Variants in PPFIA2 observed in about 807,000 individuals in gnomAD.
The protein encoded by PPFIA2 is PPFI scaffold protein A2.
PPFIA2 carries 46 observed loss-of-function variants against 175.5 expected under a neutral mutation model. That is an observed-to-expected ratio of 0.26 (90% CI 0.21 to 0.34). The LOEUF is 0.34. Ranked by LOEUF, PPFIA2 falls within the 10% of genes least tolerant of loss-of-function variation. PPFIA2 has a pLI of 1.00. For missense variants in PPFIA2, 1,179 were observed against 1,506.1 expected, an observed-to-expected ratio of 0.78 and a Z score of 3.60; for synonymous variants, 568 against 511.4, an observed-to-expected ratio of 1.11 and a Z score of -1.49.
At chr12:81,290,778 A>G (rs763771228) in intron 24 of PPFIA2, among the ~76,000 whole-genome samples, 1 of 151,880 alleles carries the variant, frequency 6.6e-6, no homozygotes, top group East Asian at 1.9e-4. Context: ...AGTATTAAGA[A>G]TATGCATTCC....
At chr12:81,418,739 G>A (rs913417716) in intron 7 of PPFIA2, among the ~76,000 whole-genome samples, 4 of 152,004 alleles carry the variant, frequency 2.6e-5, no homozygotes, top group Middle Eastern at 6.8e-3. Flanking sequence ...TACAGTTAAA[G>A]TCAGAACTAT....
Position 81,281,298 on chromosome 12 carries a change from T to C in PPFIA2, c.3171A>G (p.Lys1057=). 1 of 1,608,214 alleles carries C rather than the reference T, an allele frequency of 6.2e-7. No homozygotes were observed. The highest frequency in any genetic ancestry group is 8.5e-7 in the Non-Finnish European group (1 of 1,176,408). The change falls in exon 27 of 33, where the codon AAA becomes AAG. Residue 1057 remains lysine (K), a synonymous_variant. Transcript: ENST00000549396. Reference sequence around the variant, plus strand: ...CCATTTTTAAATGGACACGGAGATCTTTTTTTGTTAGGTGATCTAACATTC... The same window carrying C: ...CCATTTTTAAATGGACACGGAGATCCTTTTTTGTTAGGTGATCTAACATTC... ...DARMLDHLTK[K]DLRVHLKMVD... is the part of the protein sequence containing the mutation.
At chr12:81,311,960 A>G (rs2051018801) in intron 22 of PPFIA2, 1 of 576,822 alleles carries the variant, frequency 1.7e-6, no homozygotes, top group African/African-American at 1.9e-5. Flanking sequence ...AAAAGCTTAC[A>G]TAATTAATTA....
chr12:81,268,092 GA>G lies in PPFIA2; in HGVS notation c.3311-6del. 1.3e-6 allele frequency: 2 copies of G among 1,563,272 alleles called. No homozygotes were observed. Among genetic ancestry groups the G allele is most frequent in the Admixed American group, 1.8e-5 (1 of 54,598 alleles). Reference sequence around the variant, plus strand: ...CATTGCTCCACACCAACACGTCTAGGAAAAGAGATGCATCATTTTAGGATGC... The same window carrying G: ...CATTGCTCCACACCAACACGTCTAGGAAAGAGATGCATCATTTTAGGATGC... On this transcript the variant is annotated splice_polypyrimidine_tract_variant and splice_region_variant and intron_variant, in intron 28 of 32. Transcript: ENST00000549396.
At chr12:81,416,146 T>C (rs1192245802) in intron 7 of PPFIA2, among the ~76,000 whole-genome samples, 2 of 151,564 alleles carry the variant, frequency 1.3e-5, no homozygotes, top group Non-Finnish European at 3.0e-5. Flanking sequence ...TATGGAAGAA[T>C]AGTAAGAAAA....
intron 4 of PPFIA2, among the ~76,000 whole-genome samples, chr12:81,670,414 CTCTT>C (rs1723434173): frequency 6.6e-6 from 1 of 151,928 alleles, no homozygotes; most frequent in Admixed American, 6.6e-5. Context: ...GCCTCAGTCC[CTCTT>C]TATTTCATCA....
At chr12:81,490,237 C>G (rs181037023) in intron 4 of PPFIA2, among the ~76,000 whole-genome samples, 1 of 151,954 alleles carries the variant, frequency 6.6e-6, no homozygotes, top group African/African-American at 2.4e-5. Flanking sequence ...ATTCTGAATT[C>G]GTTTTTTAAT....
At chr12:81,484,137 T>A (rs2058560612) in intron 4 of PPFIA2, among the ~76,000 whole-genome samples, 1 of 151,970 alleles carries the variant, frequency 6.6e-6, no homozygotes, top group Non-Finnish European at 1.5e-5. Flanking sequence ...ACTTTCAGAG[T>A]TTCATTTTTC....
At chr12:81,602,023 CTA>C (rs1327413833) in intron 4 of PPFIA2, among the ~76,000 whole-genome samples, 1 of 151,620 alleles carries the variant, frequency 6.6e-6, no homozygotes, top group Non-Finnish European at 1.5e-5. Context: ...CTATATTGTA[CTA>C]TCTTTCTATA....
chr12:81,758,857 TC>T (rs1391956624), intron 1 of PPFIA2, among the ~76,000 whole-genome samples: 1 of 151,412 alleles, frequency 6.6e-6, no homozygotes, highest in Non-Finnish European at 1.5e-5. Flanking sequence ...GCGGCGCCGC[TC>T]CCCCTCCGCG....
At chr12:81,471,961 T>C (rs1249423197) in intron 4 of PPFIA2, among the ~76,000 whole-genome samples, 1 of 152,210 alleles carries the variant, frequency 6.6e-6, no homozygotes, top group Non-Finnish European at 1.5e-5. Flanking sequence ...CACAAAATTG[T>C]ATACATTAAT....
At position 81,384,103 on chromosome 12, in the gene PPFIA2, C is replaced by T. The variant is rs760985857; in HGVS notation, c.904G>A (p.Glu302Lys). Reference sequence around the variant, plus strand: ...TTTCTTGCTGTCTCTGCTTCCTGTTCCACCTCTCCCACTCGGGAAGAAAGG... The same window carrying T: ...TTTCTTGCTGTCTCTGCTTCCTGTTTCACCTCTCCCACTCGGGAAGAAAGG... ...AALSSRVGEV[E>K]QEAETARKDL... The change falls in exon 9 of 33, where the codon GAA (glutamate) becomes AAA (lysine). Residue 302 changes from glutamate (E) to lysine (K), a missense_variant. Around this residue, in one of 10 missense-constraint regions of PPFIA2, gnomAD observed 226 missense variants for 216.6 expected, o/e 1.04. Coordinates refer to ENST00000549396, the MANE Select transcript of PPFIA2 (RefSeq NM_003625.5). 8.1e-6 allele frequency: 13 copies of T among 1,613,192 alleles called. No individual in the cohort carries two copies. In the Admixed American group the frequency reaches 1.5e-4, roughly 19 times the overall value.
intron 3 of PPFIA2, among the ~76,000 whole-genome samples, chr12:81,694,277 C>T (rs1301100283): frequency 1.3e-5 from 2 of 152,126 alleles, no homozygotes; most frequent in African/African-American, 4.8e-5. Context: ...AACTGTGTGG[C>T]AGCCCCTCAC....
At position 81,281,402 on chromosome 12, in the gene PPFIA2, A is replaced by G; in HGVS notation, c.3067T>C (p.Trp1023Arg). The change falls in exon 27 of 33, where the codon TGG becomes CGG. Residue 1023 changes from tryptophan to arginine, a missense_variant. Trp to Arg is a moderately radical substitution (Grantham distance 101). This residue lies in a region of PPFIA2 where 245 missense variants were observed against 375.1 expected (regional missense o/e 0.65). Transcript: ENST00000549396. Reference sequence around the variant, plus strand: ...CTGGGAAGCCATTCATTTCCAATCCACTCATGATTCATATCTCCATAAGCC... The same window carrying G: ...CTGGGAAGCCATTCATTTCCAATCCGCTCATGATTCATATCTCCATAAGCC... ...TLAYGDMNHE[W>R]IGNEWLPSLG... The G allele has an allele frequency of 6.2e-7, 1 of 1,611,458 alleles. No homozygotes were observed. The highest frequency in any genetic ancestry group is 8.5e-7 in the Non-Finnish European group (1 of 1,178,222).
intron 20 of PPFIA2, among the ~76,000 whole-genome samples, chr12:81,340,025 A>G (rs974386075): frequency 6.6e-6 from 1 of 152,148 alleles, no homozygotes; most frequent in African/African-American, 2.4e-5. Context: ...GATGGGATCA[A>G]TAGACATTGT....
At position 81,754,036 on chromosome 12, in the gene PPFIA2, T is replaced by C. The variant is rs965600334; in HGVS notation, c.186A>G (p.Arg62=). The change falls in exon 3 of 33, where the codon AGA becomes AGG. Residue 62 remains arginine (R), a synonymous_variant. Coordinates refer to ENST00000549396, the MANE Select transcript of PPFIA2 (RefSeq NM_003625.5). ...TQESLSLAQQ[R]LQDVIYDRDS... Reference sequence around the variant, plus strand: ...CTCGGTCATAGATGACATCCTGAAGTCTTTGCTGGGCAAGTGAGAGGCTTT... The same window carrying C: ...CTCGGTCATAGATGACATCCTGAAGCCTTTGCTGGGCAAGTGAGAGGCTTT... The C allele has an allele frequency of 1.2e-6, 2 of 1,613,746 alleles. No individual in the cohort carries two copies. Among genetic ancestry groups the C allele is most frequent in the African/African-American group, 2.7e-5 (2 of 74,918 alleles).
chr12:81,553,819 C>T (rs141482296), intron 4 of PPFIA2, among the ~76,000 whole-genome samples: 2 of 152,034 alleles, frequency 1.3e-5, no homozygotes, highest in East Asian at 1.9e-4. Flanking sequence ...GTGTTTTAAG[C>T]CTCCATGTTT....
At chr12:81,674,666 CA>C (rs199721190) in intron 4 of PPFIA2, among the ~76,000 whole-genome samples, 1 of 151,370 alleles carries the variant, frequency 6.6e-6, no homozygotes, top group African/African-American at 2.4e-5. Flanking sequence ...GACTCCGTCT[CA>C]AAAAAATTTT....
chr12:81,285,816 T>G (rs543957449), intron 24 of PPFIA2, among the ~76,000 whole-genome samples: 1 of 152,240 alleles, frequency 6.6e-6, no homozygotes, highest in South Asian at 2.1e-4. Flanking sequence ...ACCATGATTT[T>G]TAAATCATTA....
Sources: allele counts gnomAD v4.1 joint callset (sites outside exome capture counted in the v4.1 genomes callset), GRCh38; gene constraint gnomAD v4.1.1; regional missense constraint gnomAD v4.1.1; transcripts MANE v1.5; gene names NCBI Gene and HGNC (gene_info 2026-07-23, HGNC 2026-07-21).